The following CFAP70 variants were observed in gnomAD, a reference collection of about 807,000 sequenced individuals.
CFAP70 encodes cilia- and flagella-associated protein 70.
Under a neutral mutation model 137.6 loss-of-function variants are expected in CFAP70, and 81 were observed. The ratio of observed to expected loss-of-function variants is 0.59; its 90% CI spans 0.49 to 0.71. The LOEUF (loss-of-function observed/expected upper bound fraction) is 0.71. Ranked by LOEUF, CFAP70 falls within the 30% of genes least tolerant of loss-of-function variation. The probability of loss-of-function intolerance (pLI) is 0.00; values close to 1 mark genes in which losing one functional copy is unlikely to be tolerated. For synonymous variants in CFAP70, 382 were observed against 423.6 expected, an observed-to-expected ratio of 0.90 and a Z score of 1.20; for missense variants, 976 against 1,226.7, an observed-to-expected ratio of 0.80 and a Z score of 3.05.
intron 12 of CFAP70, among the ~76,000 whole-genome samples, chr10:73,309,168 T>C (rs891894498): frequency 6.6e-6 from 1 of 151,976 alleles, no homozygotes; most frequent in African/African-American, 2.4e-5. Flanking sequence ...AGAGAAGACA[T>C]GAAAGTGGAA....
chr10:73,297,309 G>T, intron 14 of CFAP70, 136 bp from the exon 16 acceptor site: 1 of 796,670 alleles, frequency 1.3e-6, no homozygotes, highest in Non-Finnish European at 1.9e-6. Context: ...GTGGGTGGTA[G>T]ACTATCAGCT....
chr10:73,312,503 A>G, exon 10 of CFAP70: 1 of 1,611,566 alleles, frequency 6.2e-7, no homozygotes, highest in Admixed American at 1.7e-5. Context: ...TTCCATCTAT[A>G]TCCTTTTCTT....
exon 27 of CFAP70, chr10:73,253,869 A>G (rs1243506955): frequency 1.1e-5 from 9 of 834,160 alleles, no homozygotes; most frequent in Non-Finnish European, 1.1e-5. Flanking sequence ...CTCTGTTTAT[A>G]GTGAAGATTC....
chr10:73,268,879 G>A (rs1429875486), intron 25 of CFAP70, among the ~76,000 whole-genome samples: 1 of 151,740 alleles, frequency 6.6e-6, no homozygotes, highest in Non-Finnish European at 1.5e-5. Flanking sequence ...TAGAGGCAGG[G>A]TTTTGCCATG....
intron 23 of CFAP70, 91 bp from the exon 25 acceptor site, chr10:73,273,108 C>G: frequency 1.0e-6 from 1 of 971,832 alleles, no homozygotes. Flanking sequence ...TAATTGCTCT[C>G]CAGAACAATC....
chr10:73,354,249 T>C (rs912963194), intron 2 of CFAP70, among the ~76,000 whole-genome samples: 3 of 152,258 alleles, frequency 2.0e-5, no homozygotes. Flanking sequence ...CATGCACACA[T>C]AGATACATTT....
At chr10:73,267,776 C>A (rs1334234299) in intron 25 of CFAP70, among the ~76,000 whole-genome samples, 1 of 152,180 alleles carries the variant, frequency 6.6e-6, no homozygotes, top group African/African-American at 2.4e-5. Flanking sequence ...TATTTGCAGG[C>A]TCTGGAGAAG....
At chr10:73,327,041 T>C (rs570853500) in intron 8 of CFAP70, among the ~76,000 whole-genome samples, 28 of 149,742 alleles carry the variant, frequency 1.9e-4, no homozygotes, top group African/African-American at 6.8e-4. Context: ...CCAAAAAAGA[T>C]AATTTTAGAC....
chr10:73,357,385 T>G (rs1160367049), intron 1 of CFAP70, among the ~76,000 whole-genome samples: 1 of 152,176 alleles, frequency 6.6e-6, no homozygotes, highest in African/African-American at 2.4e-5. Flanking sequence ...ACGCTGGAAC[T>G]ATGTCTTAAT....
chr10:73,264,968 C>T (rs991194510), intron 25 of CFAP70, among the ~76,000 whole-genome samples: 3 of 152,224 alleles, frequency 2.0e-5, no homozygotes, highest in African/African-American at 7.2e-5. Flanking sequence ...CATGCCCACT[C>T]ATGTCCTGTA....
intron 6 of CFAP70, among the ~76,000 whole-genome samples, chr10:73,336,730 C>T (rs1044807100): frequency 9.9e-5 from 15 of 151,786 alleles, no homozygotes; most frequent in Non-Finnish European, 2.1e-4. Flanking sequence ...GGACTACAGG[C>T]GCACGCCACC....
intron 24 of CFAP70, 111 bp downstream of exon 25, chr10:73,272,817 C>T (rs998320502): frequency 1.1e-6 from 1 of 904,986 alleles, no homozygotes; most frequent in Non-Finnish European, 1.8e-6. Context: ...TTACAGCAGA[C>T]AGCCCTGATT....
At chr10:73,361,970 C>T (rs1347437695), upstream of CFAP70, among the ~76,000 whole-genome samples, 3 of 152,088 alleles carry the variant, frequency 2.0e-5, no homozygotes, top group African/African-American at 4.8e-5. Flanking sequence ...ACTCACACTT[C>T]CCAATTTCAA....
chr10:73,267,479 C>T (rs1692895289), intron 25 of CFAP70, among the ~76,000 whole-genome samples: 1 of 152,172 alleles, frequency 6.6e-6, no homozygotes, highest in African/African-American at 2.4e-5. Flanking sequence ...CAGGGAAAGT[C>T]ACAAGTTTAG....
chr10:73,256,435 T>A lies in CFAP70; in HGVS notation c.3028-19A>T, dbSNP rs1386262979. 2 of 1,613,818 alleles carry A rather than the reference T, an allele frequency of 1.2e-6. No homozygotes were observed. Among genetic ancestry groups the A allele is most frequent in the East Asian group, 4.5e-5 (2 of 44,880 alleles). On this transcript the variant is annotated intron_variant, in intron 25 of 26. Transcript: ENST00000310715. ...GTCCAACCTGAAAAAAGTGCAGCAGTTGGTGATGATGACAGGTCATAAACA... is the reference window on the plus strand; with the variant it reads ...GTCCAACCTGAAAAAAGTGCAGCAGATGGTGATGATGACAGGTCATAAACA...
chr10:73,346,862 T>C (rs1305425055), intron 4 of CFAP70: 3 of 152,128 alleles, frequency 2.0e-5, no homozygotes, highest in African/African-American at 7.2e-5. Context: ...ATTTATAGGA[T>C]AAATAGGCAT....
intron 19 of CFAP70, among the ~76,000 whole-genome samples, chr10:73,286,442 T>A (rs1270828675): frequency 6.6e-6 from 1 of 152,040 alleles, no homozygotes; most frequent in East Asian, 1.9e-4. Context: ...AGACACCGTC[T>A]CAAAAACAAA....
intron 4 of CFAP70, among the ~76,000 whole-genome samples, chr10:73,345,608 C>T (rs1226526855): frequency 6.6e-6 from 1 of 152,026 alleles, no homozygotes; most frequent in Non-Finnish European, 1.5e-5. Context: ...GGTTCAAGAC[C>T]AGCCTGGCCA....
rs1228166234 is a variant in CFAP70 at position 73,323,082 on chromosome 10, G to A, written c.793C>T (p.Gln265Ter). Residue 265 changes from glutamine (Q) to a stop codon, truncating the protein, a stop_gained, in exon 9 of 27, where the codon CAG (glutamine) becomes TAG (stop). Coordinates refer to ENST00000310715, the Ensembl canonical transcript of CFAP70. LOFTEE classifies it high-confidence loss of function. ...TAAGCCACACCATGAAACGAAAGCT[G>A]AGCTTCTTCATCAGTCTAAAGGAAT... The A allele has an allele frequency of 1.9e-6, 3 of 1,611,792 alleles. No homozygotes were observed. The highest frequency in any genetic ancestry group is 1.7e-6 in the Non-Finnish European group (2 of 1,179,338).
Sources: gnomAD v4.1 joint callset for allele counts (sites outside exome capture counted in the v4.1 genomes callset) on GRCh38, gnomAD v4.1.1 for gene constraint, MANE v1.5 for transcripts, NCBI Gene and HGNC (gene_info 2026-07-23, HGNC 2026-07-21) for gene names.